The following MCC variants were observed in gnomAD, a reference collection of about 807,000 sequenced individuals.
MCC encodes colorectal mutant cancer protein.
A neutral mutation model predicts 116.2 loss-of-function variants in MCC; 90 were observed. The observed-to-expected ratio is 0.77, with a 90% CI of 0.65 to 0.92. MCC has a LOEUF of 0.92. MCC is among the 40% of genes least tolerant of loss of function. The probability of loss-of-function intolerance (pLI) is 0.00; values close to 1 mark genes in which losing one functional copy is unlikely to be tolerated. For missense variants in MCC, 1,516 were observed against 1,312.2 expected (o/e 1.16, Z -2.40); for synonymous variants, 578 against 510.5 (o/e 1.13, Z -1.78).
chr5:113,419,271 A>G (rs984168897), intron 1 of MCC, among the ~76,000 whole-genome samples: 2 of 151,922 alleles, frequency 1.3e-5, no homozygotes, highest in African/African-American at 4.8e-5. Flanking sequence ...CCTGGGCTCA[A>G]GGGATCCTCC....
At chr5:113,333,846 T>TATATGCAC (rs1767793682) in intron 3 of MCC, among the ~76,000 whole-genome samples, 3 of 62,640 alleles carry the variant, frequency 4.8e-5, no homozygotes, top group African/African-American at 6.9e-5. Flanking sequence ...TATATATGTA[T>TATATGCAC]ATATGTACAT....
In MCC at chr5:113,240,192, C is replaced by G. The variant is rs145679539; in HGVS notation, c.628-88770G>C. 5.3e-4 allele frequency among the ~76,000 whole-genome samples: 80 copies of G among 152,240 alleles called. No individual in the cohort carries two copies. In the East Asian group the frequency reaches 0.014, roughly 26 times the overall value. ...GCATAGGGAAGGACAGTCAGGATAC[C>G]CTTCTCCCCAGCAGAGTAGTTGGCC... On this transcript the variant is annotated intron_variant, in intron 3 of 18. Coordinates refer to ENST00000408903, the MANE Select transcript of MCC (RefSeq NM_001085377.2).
At chr5:113,102,867 A>G (rs1756508864) in intron 7 of MCC, among the ~76,000 whole-genome samples, 1 of 152,036 alleles carries the variant, frequency 6.6e-6, no homozygotes, top group South Asian at 2.1e-4. Context: ...CTGTAATCCC[A>G]GCACTTGGGA....
At chr5:113,164,916 C>T (rs762743291) in intron 3 of MCC, among the ~76,000 whole-genome samples, 1 of 152,162 alleles carries the variant, frequency 6.6e-6, no homozygotes, top group East Asian at 1.9e-4. Context: ...CAGTGCCTGG[C>T]ACCAGAGGTA....
chr5:113,069,726 C>T (rs138698685), intron 12 of MCC, among the ~76,000 whole-genome samples: 234 of 152,286 alleles, frequency 1.5e-3, no homozygotes, highest in African/African-American at 5.2e-3. Context: ...GGACTACAGG[C>T]GTCCACCACC....
intron 6 of MCC, among the ~76,000 whole-genome samples, chr5:113,116,146 A>T (rs1171333518): frequency 6.6e-6 from 1 of 152,176 alleles, no homozygotes; most frequent in African/African-American, 2.4e-5. Flanking sequence ...TGCCCTTGAC[A>T]GCAAACAGTG....
At chr5:113,251,061 T>C (rs1362115676) in intron 3 of MCC, among the ~76,000 whole-genome samples, 1 of 152,138 alleles carries the variant, frequency 6.6e-6, no homozygotes, top group African/African-American at 2.4e-5. Flanking sequence ...AACAATACAA[T>C]CAAAAGTGTT....
chr5:113,174,758 T>G (rs1378748878), intron 3 of MCC, among the ~76,000 whole-genome samples: 1 of 151,948 alleles, frequency 6.6e-6, no homozygotes, highest in Non-Finnish European at 1.5e-5. Flanking sequence ...GGTGTGAGTT[T>G]TGTAGTTTTT....
At chr5:113,211,883 G>C (rs1353021006) in intron 3 of MCC, among the ~76,000 whole-genome samples, 1 of 152,228 alleles carries the variant, frequency 6.6e-6, no homozygotes, top group Admixed American at 6.5e-5. Flanking sequence ...AATTGGAGTA[G>C]TTATGTGTGA....
intron 1 of MCC, among the ~76,000 whole-genome samples, chr5:113,427,035 T>C (rs1423997941): frequency 6.6e-6 from 1 of 152,100 alleles, no homozygotes; most frequent in Admixed American, 6.6e-5. Flanking sequence ...ACATCCTAAT[T>C]GATATATTTT....
At chr5:113,225,012 T>A (rs918575224) in intron 3 of MCC, among the ~76,000 whole-genome samples, 1 of 152,070 alleles carries the variant, frequency 6.6e-6, no homozygotes, top group Middle Eastern at 3.2e-3. Flanking sequence ...CGGTTAAAAA[T>A]AAAAAGAAGC....
chr5:113,398,481 T>C (rs1006237050), intron 1 of MCC, among the ~76,000 whole-genome samples: 2 of 152,184 alleles, frequency 1.3e-5, no homozygotes, highest in Non-Finnish European at 2.9e-5. Context: ...ATATATACCA[T>C]GGAATACCAT....
At chr5:113,084,373 G>T (rs926668448) in intron 9 of MCC, among the ~76,000 whole-genome samples, 183 bp from the exon 10 acceptor site, 16 of 152,230 alleles carry the variant, frequency 1.1e-4, no homozygotes, top group Non-Finnish European at 2.2e-4. Flanking sequence ...CTTCAGCACT[G>T]CTGATATTTT....
chr5:113,053,626 G>A (rs1752624661), intron 15 of MCC, 99 bp downstream of exon 15: 3 of 783,654 alleles, frequency 3.8e-6, no homozygotes, highest in African/African-American at 1.7e-5. Context: ...CTCTGGGCAG[G>A]AGGGGTTGAT....
At chr5:113,468,618 A>C (rs1359445973) in intron 1 of MCC, among the ~76,000 whole-genome samples, 1 of 152,174 alleles carries the variant, frequency 6.6e-6, no homozygotes, top group Non-Finnish European at 1.5e-5. Flanking sequence ...ATCGATGTTC[A>C]TCAAGGATAT....
At chr5:113,466,183 T>A (rs985945703) in intron 1 of MCC, among the ~76,000 whole-genome samples, 6 of 148,348 alleles carry the variant, frequency 4.0e-5, no homozygotes, top group East Asian at 2.0e-4. Flanking sequence ...TTTTTTTTTT[T>A]AATTTTATTA....
intron 12 of MCC, among the ~76,000 whole-genome samples, chr5:113,068,505 C>T (rs534386791): frequency 3.9e-5 from 6 of 152,340 alleles, no homozygotes; most frequent in Admixed American, 1.3e-4. Flanking sequence ...CAGGTAGTCC[C>T]GCTGAGCCGG....
chr5:113,424,494 C>G lies in MCC; in HGVS notation c.171-39282G>C, dbSNP rs1242398136. Among the ~76,000 whole-genome samples, 3 of 152,266 alleles carry G rather than the reference C, an allele frequency of 2.0e-5. No individual in the cohort carries two copies. In the South Asian group the frequency reaches 6.2e-4, roughly 32 times the overall value. ...CTTTGGGAGGCCAAGGCGGGTGGAT[C>G]ACTTGAGGTTAGGAGTTTGAGACCA... On this transcript the variant is annotated intron_variant, in intron 1 of 18. Coordinates refer to ENST00000408903, the MANE Select transcript of MCC (RefSeq NM_001085377.2).
intron 3 of MCC, among the ~76,000 whole-genome samples, chr5:113,272,171 T>G (rs953472145): frequency 6.6e-6 from 1 of 152,216 alleles, no homozygotes; most frequent in Non-Finnish European, 1.5e-5. Flanking sequence ...ATCTGAGGTT[T>G]TGCCACTTAC....
Sources: gnomAD v4.1 joint callset for allele counts (sites outside exome capture counted in the v4.1 genomes callset) on GRCh38, gnomAD v4.1.1 for gene constraint, MANE v1.5 for transcripts, NCBI Gene and HGNC (gene_info 2026-07-23, HGNC 2026-07-21) for gene names.